JAM3: variants seen among roughly 807,000 people sequenced by gnomAD.
The protein encoded by JAM3 is junctional adhesion molecule 3.
A neutral mutation model predicts 39.4 loss-of-function variants in JAM3; 31 were observed. That is an observed-to-expected ratio of 0.79 (90% confidence interval 0.59 to 1.06). JAM3 has a LOEUF of 1.06. Among genes scored for constraint, JAM3 ranks in the 50% least tolerant of loss-of-function variants. JAM3 has a pLI of 0.00. For synonymous variants in JAM3, 182 were observed against 148.7 expected (o/e 1.22, Z -1.63); for missense variants, 455 against 391.4 (o/e 1.16, Z -1.37).
intron 1 of JAM3, among the ~76,000 whole-genome samples, chr11:134,081,958 T>G (rs1392132301): frequency 6.6e-6 from 1 of 152,254 alleles, no homozygotes; most frequent in Non-Finnish European, 1.5e-5. Flanking sequence ...GTGACCTGGA[T>G]ATGAGACTTG....
At chr11:134,144,209 A>C in intron 3 of JAM3, 32 bp from the exon 4 acceptor site, 1 of 1,613,852 alleles carries the variant, frequency 6.2e-7, no homozygotes, top group Non-Finnish European at 8.5e-7. Flanking sequence ...TTCTTTAAAG[A>C]AGTTTTTTAG....
rs552519738 is a variant in JAM3 at position 134,093,136 on chromosome 11, T to C, written c.76+23977T>C. On this transcript the variant is annotated intron_variant, in intron 1 of 8. Transcript: ENST00000299106. ...GAAGCTTCTCCTGAGCCCTCTTTAT[T>C]CATCATGTTCTATCTTACATGTCAC... 1.5e-5 allele frequency among the ~76,000 whole-genome samples: 2 copies of C among 131,606 alleles called. 1 individual carries two copies. The highest frequency in any genetic ancestry group is 6.0e-5 in the African/African-American group (2 of 33,142). 86.3% of individuals were successfully genotyped at this position (131,606 alleles called of 152,430 possible).
At chr11:134,145,095 A>C in intron 5 of JAM3, 101 bp downstream of exon 5, 2 of 988,684 alleles carry the variant, frequency 2.0e-6, no homozygotes, top group Non-Finnish European at 3.2e-6. Context: ...ACTTCTTGAT[A>C]AGACAGGAGT....
chr11:134,145,178 G>A (rs1243354044), intron 5 of JAM3, 184 bp downstream of exon 5: 2 of 640,206 alleles, frequency 3.1e-6, no homozygotes, highest in Non-Finnish European at 2.8e-6. Context: ...TACATTCTTA[G>A]GGGGTAAAAT....
intron 1 of JAM3, chr11:134,139,596 G>T: frequency 2.0e-6 from 1 of 503,888 alleles, no homozygotes; most frequent in Non-Finnish European, 3.6e-6. Context: ...AGCTCTGAGG[G>T]CTTTGTTCTG....
At chr11:134,133,134 T>G (rs962243897) in intron 1 of JAM3, among the ~76,000 whole-genome samples, 2 of 152,230 alleles carry the variant, frequency 1.3e-5, no homozygotes, top group Admixed American at 6.5e-5. Flanking sequence ...TTCTGCATGT[T>G]GGTTTTGTAT....
At chr11:134,102,739 C>G (rs915256119) in intron 1 of JAM3, among the ~76,000 whole-genome samples, 1 of 152,150 alleles carries the variant, frequency 6.6e-6, no homozygotes, top group African/African-American at 2.4e-5. Flanking sequence ...GTAGCTGATT[C>G]AATCAACTGG....
chr11:134,076,948 C>T (rs1941580840), intron 1 of JAM3, among the ~76,000 whole-genome samples: 1 of 150,812 alleles, frequency 6.6e-6, no homozygotes, highest in Admixed American at 6.6e-5. Context: ...GATTCTTCTA[C>T]CTCAGCCTCC....
chr11:134,145,662 C>A (rs1012337600), intron 5 of JAM3, among the ~76,000 whole-genome samples: 2 of 152,168 alleles, frequency 1.3e-5, no homozygotes, highest in African/African-American at 4.8e-5. Flanking sequence ...AATGTTGCCC[C>A]AGGAGCAGTC....
intron 1 of JAM3, among the ~76,000 whole-genome samples, chr11:134,093,186 C>A (rs1362806923): frequency 3.9e-5 from 5 of 127,790 alleles, no homozygotes; most frequent in South Asian, 2.8e-4. Flanking sequence ...TTCTCCTGAA[C>A]CCTCCTTATT....
At chr11:134,144,636 G>A (rs921539445) in intron 4 of JAM3, among the ~76,000 whole-genome samples, 156 bp from the exon 5 acceptor site, 4 of 152,180 alleles carry the variant, frequency 2.6e-5, no homozygotes, top group Non-Finnish European at 5.9e-5. Flanking sequence ...AGGATGCAGC[G>A]GTGGCTTGTC....
intron 1 of JAM3, among the ~76,000 whole-genome samples, chr11:134,105,022 G>A (rs371668126): frequency 2.6e-5 from 4 of 152,064 alleles, no homozygotes; most frequent in Non-Finnish European, 5.9e-5. Flanking sequence ...CAGGATCATC[G>A]TGATACCAAA....
rs994034111 is a variant in JAM3, at chr11:134,116,085, A to G, written c.77-23766A>G. On this transcript the variant is annotated intron_variant, in intron 1 of 8. Transcript: ENST00000299106. ...TTAGTATGTTTCTTTTTCCCTTTCT[A>G]TTTTTTAGGAGTTCAGCCCACACTC... 7.2e-5 allele frequency among the ~76,000 whole-genome samples: 11 copies of G among 152,122 alleles called. No individual in the cohort carries two copies. The South Asian group carries it at 1.9e-3, about 26-fold the overall frequency.
chr11:134,093,750 G>A (rs112494046), intron 1 of JAM3, among the ~76,000 whole-genome samples: 3 of 95,914 alleles, frequency 3.1e-5, no homozygotes, highest in South Asian at 5.4e-4. Flanking sequence ...TATTCATCAT[G>A]TTCCACCTTA....
intron 1 of JAM3, among the ~76,000 whole-genome samples, chr11:134,090,336 T>A (rs992645996): frequency 6.6e-6 from 1 of 152,238 alleles, no homozygotes; most frequent in Non-Finnish European, 1.5e-5. Flanking sequence ...AATTTTAGCT[T>A]TTGTTGCCAT....
intron 1 of JAM3, among the ~76,000 whole-genome samples, chr11:134,085,969 A>G (rs1027220087): frequency 1.3e-5 from 2 of 152,108 alleles, no homozygotes; most frequent in Admixed American, 6.6e-5. Flanking sequence ...ATGTTTCTTT[A>G]TCTTTATTTT....
At chr11:134,105,716 A>G (rs1942170942) in intron 1 of JAM3, among the ~76,000 whole-genome samples, 1 of 125,260 alleles carries the variant, frequency 8.0e-6, no homozygotes, top group Non-Finnish European at 1.6e-5. Context: ...TAATAGACAA[A>G]CAGCCAAATC....
Position 134,144,143 on chromosome 11 carries a change from C to T in JAM3, c.257-98C>T, listed in dbSNP as rs902220243. 2.3e-5 allele frequency: 27 copies of T among 1,158,030 alleles called. No individual in the cohort carries two copies. The Admixed American group carries it at 4.3e-4, about 19-fold the overall frequency. 71.7% of individuals were successfully genotyped at this position (1,158,030 alleles called of 1,614,324 possible). A position where few individuals can be genotyped will look rare whatever the true frequency, so the allele number is the denominator to read the frequency against. On this transcript the variant is annotated intron_variant, in intron 3 of 8. Coordinates refer to ENST00000299106, the MANE Select transcript of JAM3 (RefSeq NM_032801.5). ...AAATAAATATTGATCTGCAGGCTTC[C>T]TTGCTGTGGCATCTAGTGCTAGCCC...
intron 1 of JAM3, among the ~76,000 whole-genome samples, chr11:134,109,673 C>A (rs1942273749): frequency 6.6e-6 from 1 of 152,036 alleles, no homozygotes; most frequent in South Asian, 2.1e-4. Context: ...ATTTTGAGGG[C>A]TGCAATATTT....
Sources: allele counts gnomAD v4.1 joint callset (sites outside exome capture counted in the v4.1 genomes callset), GRCh38; gene constraint gnomAD v4.1.1; transcripts MANE v1.5; gene names NCBI Gene and HGNC (gene_info 2026-07-23, HGNC 2026-07-21).